The following STXBP5L variants were observed in gnomAD, a reference collection of about 807,000 sequenced individuals.
STXBP5L encodes the protein syntaxin binding protein 5L, also known as syntaxin-binding protein 5-like.
STXBP5L carries 65 observed loss-of-function variants against 144.5 expected under a neutral mutation model. The observed-to-expected ratio is 0.45, with a 90% CI of 0.37 to 0.55. The LOEUF (loss-of-function observed/expected upper bound fraction) is 0.55. Among genes scored for constraint, STXBP5L ranks in the 20% least tolerant of loss-of-function variants. The pLI is 0.00. For synonymous variants in STXBP5L, 505 were observed against 469.6 expected, an observed-to-expected ratio of 1.08 and a Z score of -0.97; for missense variants, 1,298 against 1,405.5, an observed-to-expected ratio of 0.92 and a Z score of 1.22.
chr3:121,009,291 C>T (rs1944592123), intron 3 of STXBP5L, among the ~76,000 whole-genome samples: 1 of 152,006 alleles, frequency 6.6e-6, no homozygotes, highest in Non-Finnish European at 1.5e-5. Context: ...CCCCTAGATT[C>T]ATTCACATGC....
intron 3 of STXBP5L, among the ~76,000 whole-genome samples, chr3:121,038,527 C>G (rs1331610878): frequency 1.3e-5 from 2 of 151,790 alleles, no homozygotes; most frequent in African/African-American, 4.8e-5. Context: ...TATTTTATCT[C>G]TTAGTAATTG....
intron 3 of STXBP5L, among the ~76,000 whole-genome samples, chr3:121,036,873 G>T (rs559935684): frequency 3.5e-5 from 5 of 142,698 alleles, no homozygotes; most frequent in Admixed American, 3.0e-4. Flanking sequence ...AACCAACATT[G>T]CATTCCTGGC....
At chr3:121,097,470 C>T (rs918696893) in intron 5 of STXBP5L, among the ~76,000 whole-genome samples, 16 of 152,176 alleles carry the variant, frequency 1.1e-4, no homozygotes, top group African/African-American at 3.6e-4. Flanking sequence ...TCCTGGTCTG[C>T]GGGGTTGCAA....
At chr3:121,115,571 A>G (rs2044197356) in intron 6 of STXBP5L, among the ~76,000 whole-genome samples, 1 of 152,184 alleles carries the variant, frequency 6.6e-6, no homozygotes, top group African/African-American at 2.4e-5. Context: ...AAGTTTCTGT[A>G]CATGTGAAAT....
chr3:120,994,151 C>T (rs1943152620), intron 3 of STXBP5L, among the ~76,000 whole-genome samples: 1 of 151,836 alleles, frequency 6.6e-6, no homozygotes, highest in South Asian at 2.1e-4. Flanking sequence ...TTTTGTCCTG[C>T]AACTTTAATG....
rs35656223 is a variant in STXBP5L at position 120,984,632 on chromosome 3, C to CTTTT, written c.287+29614_287+29617dup. On this transcript the variant is annotated intron_variant, in intron 3 of 26. Transcript: ENST00000471454. ...TGGATGCCTTTCATTTCTTTCTTTC[C>CTTTT]TTTTTTTTTTTTTTTTTTTTTTGCC... Among the ~76,000 whole-genome samples the CTTTT allele has an allele frequency of 7.6e-4, 55 of 71,964 alleles. 3 individuals carry two copies. Among genetic ancestry groups the CTTTT allele is most frequent in the African/African-American group, 1.1e-3 (18 of 16,288 alleles). The allele number at this position is 71,964 out of a possible 152,430, so 47.2% of individuals were successfully genotyped here. A position where few individuals can be genotyped will look rare whatever the true frequency, so the allele number is the denominator to read the frequency against.
intron 3 of STXBP5L, among the ~76,000 whole-genome samples, chr3:120,990,801 C>G (rs1942773534): frequency 6.6e-6 from 1 of 152,144 alleles, no homozygotes; most frequent in African/African-American, 2.4e-5. Context: ...AACTGGATCC[C>G]TTCCTTACAC....
intron 3 of STXBP5L, among the ~76,000 whole-genome samples, chr3:120,989,573 A>C (rs1942632021): frequency 2.0e-5 from 3 of 152,056 alleles, no homozygotes; most frequent in Admixed American, 1.3e-4. Context: ...TATTTGTCCC[A>C]TTCTGTCTGG....
At chr3:121,061,081 T>A (rs955453837) in intron 5 of STXBP5L, among the ~76,000 whole-genome samples, 6 of 152,218 alleles carry the variant, frequency 3.9e-5, no homozygotes, top group African/African-American at 1.4e-4. Context: ...TGATTTTAGA[T>A]CTTTCCCACA....
At chr3:121,316,621 T>C (rs1247490065) in intron 19 of STXBP5L, among the ~76,000 whole-genome samples, 1 of 152,208 alleles carries the variant, frequency 6.6e-6, no homozygotes, top group Admixed American at 6.5e-5. Flanking sequence ...ATAATTTATA[T>C]AAAGTATTTA....
rs1051945995 is a variant in STXBP5L at position 121,228,409 on chromosome 3, C to T, written c.1112-5207C>T. On this transcript the variant is annotated intron_variant, in intron 11 of 26. Transcript: ENST00000471454. ...CCAAGAGTACTCAATCAAGTTATAC[C>T]GAGTAAAACATTGCTTTTCTGGACC... Among the ~76,000 whole-genome samples, 4 of 152,150 alleles carry T rather than the reference C, an allele frequency of 2.6e-5. No homozygotes were observed. In the South Asian group the frequency reaches 8.3e-4, roughly 32 times the overall value.
At chr3:121,364,782 G>A (rs940032898) in intron 20 of STXBP5L, among the ~76,000 whole-genome samples, 6 of 151,810 alleles carry the variant, frequency 4.0e-5, no homozygotes, top group African/African-American at 1.5e-4. Context: ...ACTTTTATGT[G>A]TTGACTTTAT....
intron 8 of STXBP5L, among the ~76,000 whole-genome samples, chr3:121,154,983 T>C (rs1338058194): frequency 6.6e-6 from 1 of 151,906 alleles, no homozygotes; most frequent in Non-Finnish European, 1.5e-5. Context: ...AATGTCCTAG[T>C]TTAAGTTGTT....
chr3:121,281,835 C>T (rs1471692525), intron 19 of STXBP5L, among the ~76,000 whole-genome samples: 5 of 151,740 alleles, frequency 3.3e-5, no homozygotes, highest in African/African-American at 1.2e-4. Context: ...GTATTAAAGA[C>T]TGAAATCTTT....
chr3:121,021,193 G>A (rs985747610), intron 3 of STXBP5L, among the ~76,000 whole-genome samples: 3 of 152,038 alleles, frequency 2.0e-5, no homozygotes, highest in East Asian at 1.9e-4. Context: ...AATGATAAAA[G>A]GATTAGTCCA....
At chr3:121,176,149 T>C (rs2046923943) in intron 9 of STXBP5L, among the ~76,000 whole-genome samples, 1 of 152,010 alleles carries the variant, frequency 6.6e-6, no homozygotes, top group African/African-American at 2.4e-5. Context: ...CTGTAATTGA[T>C]AGAACAAGTG....
intron 5 of STXBP5L, among the ~76,000 whole-genome samples, chr3:121,104,207 G>T (rs2043575907): frequency 2.0e-5 from 3 of 151,948 alleles, no homozygotes; most frequent in African/African-American, 7.2e-5. Context: ...TTATATGGTA[G>T]GTAACAAATA....
At chr3:120,920,266 C>T (rs1709297554) in intron 2 of STXBP5L, among the ~76,000 whole-genome samples, 1 of 151,558 alleles carries the variant, frequency 6.6e-6, no homozygotes, top group Admixed American at 6.6e-5. Context: ...TTAAATCATG[C>T]TTCTTTGTTC....
At chr3:120,948,838 G>A (rs528088599) in intron 2 of STXBP5L, among the ~76,000 whole-genome samples, 124 of 151,782 alleles carry the variant, frequency 8.2e-4, no homozygotes, top group African/African-American at 2.9e-3. Context: ...ATATTTTTCT[G>A]CGATTGGAAA....
Sources: allele counts gnomAD v4.1 joint callset (sites outside exome capture counted in the v4.1 genomes callset), GRCh38; gene constraint gnomAD v4.1.1; transcripts MANE v1.5; gene names NCBI Gene and HGNC (gene_info 2026-07-23, HGNC 2026-07-21).